CUX1: variants seen among roughly 807,000 people sequenced by gnomAD.
CUX1 encodes the protein protein CASP.
Under a neutral mutation model 158.8 loss-of-function variants are expected in CUX1, and 31 were observed. That is an observed-to-expected ratio of 0.20 (90% CI 0.15 to 0.26). CUX1 has a LOEUF of 0.26. CUX1 is among the 10% of genes least tolerant of loss of function. CUX1 has a pLI of 1.00. For missense variants in CUX1, 1,589 were observed against 2,014.6 expected, an observed-to-expected ratio of 0.79 and a Z score of 4.04; for synonymous variants, 879 against 862.1, an observed-to-expected ratio of 1.02 and a Z score of -0.34.
intron 1 of CUX1, among the ~76,000 whole-genome samples, chr7:101,841,628 G>A (rs1372911580): frequency 6.6e-6 from 1 of 151,892 alleles, no homozygotes; most frequent in Non-Finnish European, 1.5e-5. Context: ...TGTGATCTTG[G>A]CTCACTGCAG....
intron 3 of CUX1, among the ~76,000 whole-genome samples, chr7:102,063,383 C>CTTTTTTT (rs11368644): frequency 0.011 from 943 of 89,148 alleles, 2 homozygotes; most frequent in East Asian, 0.021. Context: ...ATTTCCTTTT[C>CTTTTTTT]TTTTTTTTTT....
chr7:101,914,494 CCTTT>C (rs1803942082), intron 1 of CUX1, among the ~76,000 whole-genome samples: 2 of 149,044 alleles, frequency 1.3e-5, no homozygotes, highest in African/African-American at 2.5e-5. Context: ...TTCCTTCCTT[CCTTT>C]CTTCTTTCTT....
chr7:102,104,113 G>A (rs1554487570), intron 5 of CUX1, among the ~76,000 whole-genome samples: 2 of 151,686 alleles, frequency 1.3e-5, no homozygotes, highest in Non-Finnish European at 2.9e-5. Context: ...CTTCTTTTCA[G>A]CAAAATCCAT....
intron 2 of CUX1, among the ~76,000 whole-genome samples, chr7:101,923,476 A>G (rs1030521724): frequency 3.9e-5 from 6 of 151,924 alleles, no homozygotes; most frequent in Non-Finnish European, 7.4e-5. Flanking sequence ...GCCCAGTCCT[A>G]CTCCAGAACG....
At chr7:101,907,789 G>A (rs1201903956) in intron 1 of CUX1, among the ~76,000 whole-genome samples, 1 of 152,122 alleles carries the variant, frequency 6.6e-6, no homozygotes, top group Non-Finnish European at 1.5e-5. Flanking sequence ...CAAAGCCTAG[G>A]TCTCATTACT....
intron 2 of CUX1, among the ~76,000 whole-genome samples, chr7:101,917,756 G>A (rs992917184): frequency 2.0e-4 from 31 of 152,188 alleles, no homozygotes; most frequent in African/African-American, 5.8e-4. Context: ...TCTTAGTGCC[G>A]TTCCTGTAGC....
chr7:101,953,706 T>A (rs1809394110), intron 2 of CUX1, among the ~76,000 whole-genome samples: 1 of 152,174 alleles, frequency 6.6e-6, no homozygotes, highest in African/African-American at 2.4e-5. Flanking sequence ...CAGCAGAGCC[T>A]CAGGCCCGTG....
At chr7:102,051,525 G>A (rs1461961362) in intron 3 of CUX1, among the ~76,000 whole-genome samples, 3 of 152,034 alleles carry the variant, frequency 2.0e-5, no homozygotes, top group Non-Finnish European at 4.4e-5. Context: ...GTGCGCAACT[G>A]TAGTCCCAGC....
intron 4 of CUX1, among the ~76,000 whole-genome samples, chr7:102,089,153 A>T (rs1828270480): frequency 6.6e-6 from 1 of 151,676 alleles, no homozygotes; most frequent in Admixed American, 6.6e-5. Context: ...TTTCCATTTC[A>T]CATACTTTAA....
At chr7:102,173,314 G>A (rs1586040204) in intron 10 of CUX1, among the ~76,000 whole-genome samples, 1 of 152,136 alleles carries the variant, frequency 6.6e-6, no homozygotes, top group African/African-American at 2.4e-5. Context: ...GTGAGATCGT[G>A]CCATTGCATT....
In CUX1 at chr7:102,254,669, T is replaced by G. The variant is rs1789695002; in HGVS notation, c.*5627T>G. On this transcript the variant is annotated 3_prime_UTR_variant, in exon 24 of 24. Transcript: ENST00000292535. ...GCCAAAGCTCACATTTAGAAAGCCC[T>G]CAGTGCTTCTGTGGTTTCACCTGGG... The G allele has an allele frequency of 8.1e-6, 8 of 985,422 alleles. No homozygotes were observed. The South Asian group carries it at 3.8e-4, about 46-fold the overall frequency. The allele number at this position is 985,422 out of a possible 1,614,324, so 61.0% of individuals were successfully genotyped here.
intron 2 of CUX1, among the ~76,000 whole-genome samples, chr7:102,002,887 G>A (rs578176370): frequency 6.6e-6 from 1 of 152,166 alleles, no homozygotes; most frequent in East Asian, 1.9e-4. Context: ...TGTCTGCAGA[G>A]AGACTCTTTT....
chr7:101,906,650 A>T (rs1380088997), intron 1 of CUX1, among the ~76,000 whole-genome samples: 1 of 152,038 alleles, frequency 6.6e-6, no homozygotes, highest in Non-Finnish European at 1.5e-5. Flanking sequence ...CTAGGCCCCC[A>T]CTGCATGCCC....
At chr7:102,018,756 G>A (rs983032961) in intron 2 of CUX1, among the ~76,000 whole-genome samples, 3 of 149,928 alleles carry the variant, frequency 2.0e-5, no homozygotes, top group African/African-American at 4.9e-5. Flanking sequence ...GCGTGCGTGC[G>A]CTGTATCTCT....
At chr7:102,113,845 G>A (rs1831187409) in intron 7 of CUX1, among the ~76,000 whole-genome samples, 1 of 152,130 alleles carries the variant, frequency 6.6e-6, no homozygotes, top group African/African-American at 2.4e-5. Flanking sequence ...GGGGATTACA[G>A]GTGTGGGCTA....
At chr7:102,057,307 A>G (rs1056001374) in intron 3 of CUX1, among the ~76,000 whole-genome samples, 1 of 152,178 alleles carries the variant, frequency 6.6e-6, no homozygotes, top group Admixed American at 6.5e-5. Context: ...TGCTAACACA[A>G]CCTGCATTCT....
At chr7:102,191,600 C>G (rs1037583224) in intron 12 of CUX1, among the ~76,000 whole-genome samples, 3 of 152,150 alleles carry the variant, frequency 2.0e-5, no homozygotes, top group Non-Finnish European at 4.4e-5. Flanking sequence ...CTTCCCTCTT[C>G]CAAAAAGAAA....
intron 2 of CUX1, among the ~76,000 whole-genome samples, chr7:101,984,099 T>A (rs867144714): frequency 0.17 from 2,622 of 15,310 alleles, 263 homozygotes; most frequent in African/African-American, 0.24. Flanking sequence ...AATATATATA[T>A]ATATATATAT....
At chr7:101,834,871 T>C (rs1427140552) in intron 1 of CUX1, among the ~76,000 whole-genome samples, 1 of 151,842 alleles carries the variant, frequency 6.6e-6, no homozygotes. Context: ...TGGTGAGCGC[T>C]TGTAATCCCA....
Sources: gnomAD v4.1 joint callset for allele counts (sites outside exome capture counted in the v4.1 genomes callset) on GRCh38, gnomAD v4.1.1 for gene constraint, MANE v1.5 for transcripts, NCBI Gene and HGNC (gene_info 2026-07-23, HGNC 2026-07-21) for gene names.